THNSL1: variants seen among roughly 807,000 people sequenced by gnomAD.
THNSL1 encodes the protein threonine synthase-like 1.
In THNSL1, 48 loss-of-function variants were observed where a neutral mutation model predicts 50.4. That is an observed-to-expected ratio of 0.95 (90% confidence interval 0.76 to 1.21). THNSL1 has a LOEUF of 1.21. Among genes scored for constraint, THNSL1 ranks in the 50% most tolerant of loss-of-function variants. The pLI is 0.00. For synonymous variants in THNSL1, 309 were observed against 306.1 expected, an observed-to-expected ratio of 1.01 and a Z score of -0.10; for missense variants, 896 against 871.7, an observed-to-expected ratio of 1.03 and a Z score of -0.35.
At chr10:24,988,250 ATG>A in the THNSL1 span, among the ~76,000 whole-genome samples, 3 of 140,292 alleles carry the variant, frequency 2.1e-5, no homozygotes, top group Non-Finnish European at 4.5e-5. Context: ...ATATATATAT[ATG>A]TGTATATATA....
At chr10:24,998,021 C>G in the THNSL1 span, among the ~76,000 whole-genome samples, 1 of 152,102 alleles carries the variant, frequency 6.6e-6, no homozygotes, top group African/African-American at 2.4e-5. Flanking sequence ...CTTCTGAAGT[C>G]ACGAATTAAG....
chr10:25,015,305 T>C (rs1026231514), upstream of THNSL1, among the ~76,000 whole-genome samples: 1 of 152,218 alleles, frequency 6.6e-6, no homozygotes, highest in Non-Finnish European at 1.5e-5. Flanking sequence ...TTTAAACCAT[T>C]AGATCTGAAA....
the THNSL1 span, among the ~76,000 whole-genome samples, chr10:24,960,871 T>C: frequency 1.3e-5 from 2 of 152,162 alleles, no homozygotes. Flanking sequence ...ATTATAGACA[T>C]GAGCCACCAC....
At chr10:24,978,249 G>A in the THNSL1 span, among the ~76,000 whole-genome samples, 7 of 151,592 alleles carry the variant, frequency 4.6e-5, no homozygotes, top group East Asian at 1.9e-4. Context: ...CTTTGGCTTC[G>A]CTCCACAATT....
At chr10:25,003,186 ATTT>A in the THNSL1 span, among the ~76,000 whole-genome samples, 1 of 149,502 alleles carries the variant, frequency 6.7e-6, no homozygotes, top group African/African-American at 2.4e-5. Flanking sequence ...TAATTAATTT[ATTT>A]ATTTATTCAT....
rs1429550072 is a variant in THNSL1, at chr10:25,024,605, A to G, written c.1382A>G (p.Tyr461Cys). Residue 461 changes from tyrosine (Y) to cysteine (C), a missense_variant, in exon 3 of 3, where the codon TAT (tyrosine) becomes TGT (cysteine). Physicochemically the swap from Tyr to Cys is radical, Grantham distance 194. Transcript: ENST00000376356. ...SDFTGFLTVE[Y>C]GTILSSANSI... ...TTTACTGGCTTTCTTACTGTGGAATATGGAACAATCTTAAGTTCGGCTAAC... is the reference window on the plus strand; with the variant it reads ...TTTACTGGCTTTCTTACTGTGGAATGTGGAACAATCTTAAGTTCGGCTAAC... The G allele has an allele frequency of 2.5e-6, 4 of 1,614,120 alleles. No individual in the cohort carries two copies. The highest frequency in any genetic ancestry group is 3.4e-6 in the Non-Finnish European group (4 of 1,180,046).
At chr10:24,993,088 G>T in the THNSL1 span, among the ~76,000 whole-genome samples, 31 of 152,250 alleles carry the variant, frequency 2.0e-4, no homozygotes, top group African/African-American at 6.3e-4. Context: ...GAGCCCAAAA[G>T]TTCAAGACCA....
In THNSL1 at chr10:25,021,816, T is replaced by TTTTG. The variant is rs1850724812; in HGVS notation, c.-139_-138insTGTT. On this transcript the variant is annotated 5_prime_UTR_variant, in exon 2 of 3. It removes the in-frame stop codon of an upstream open reading frame in the 5' UTR. Transcript: ENST00000376356. ...CAGATTGGTTCCGGTGTGTCCTATG[T>TTTTG]TTACAAGTCAGTGGAAATTAAGCAC... 1 of 152,154 alleles carries TTTTG rather than the reference T, an allele frequency of 6.6e-6. No individual in the cohort carries two copies. The highest frequency in any genetic ancestry group is 1.5e-5 in the Non-Finnish European group (1 of 68,016). 9.4% of individuals were successfully genotyped at this position (152,154 alleles called of 1,614,324 possible).
chr10:24,993,571 A>G, the THNSL1 span, among the ~76,000 whole-genome samples: 1 of 152,246 alleles, frequency 6.6e-6, no homozygotes, highest in South Asian at 2.1e-4. Flanking sequence ...CTCATTTTAT[A>G]AAAATATGAC....
chr10:25,013,256 G>A (rs1202358051), upstream of THNSL1, among the ~76,000 whole-genome samples: 1 of 152,150 alleles, frequency 6.6e-6, no homozygotes, highest in Admixed American at 6.5e-5. Flanking sequence ...AATATACTAT[G>A]TTCTATGATA....
At chr10:24,965,726 T>C in the THNSL1 span, among the ~76,000 whole-genome samples, 1 of 152,236 alleles carries the variant, frequency 6.6e-6, no homozygotes, top group African/African-American at 2.4e-5. Context: ...TTCCTCTTGA[T>C]TTTTCTTCTG....
chr10:24,952,799 G>C, the THNSL1 span, among the ~76,000 whole-genome samples: 1 of 151,520 alleles, frequency 6.6e-6, no homozygotes, highest in Non-Finnish European at 1.5e-5. This position sits in a 1 kb window ranked among gnomAD's most constrained non-coding sequence, Gnocchi z 5.1. Context: ...GCGGGGGCGC[G>C]GGGAGCAGCT....
chr10:25,016,118 A>G, upstream of THNSL1: 1 of 1,276,342 alleles, frequency 7.8e-7, no homozygotes, highest in Non-Finnish European at 9.9e-7. Context: ...CGGGAAGAAA[A>G]CACCCTATTT....
the THNSL1 span, among the ~76,000 whole-genome samples, chr10:25,001,228 C>T: frequency 2.6e-5 from 4 of 152,046 alleles, no homozygotes; most frequent in South Asian, 6.2e-4. Context: ...AAACTTCTGG[C>T]TTCCATCGTT....
At chr10:24,974,340 A>G in the THNSL1 span, among the ~76,000 whole-genome samples, 1 of 152,196 alleles carries the variant, frequency 6.6e-6, no homozygotes, top group Non-Finnish European at 1.5e-5. Flanking sequence ...ATTAGCCCCA[A>G]TATGTGTATT....
rs1226563727 is a variant in THNSL1, at chr10:25,023,181, A to C, written c.-43A>C. The C allele has an allele frequency of 1.3e-5, 21 of 1,564,414 alleles. No homozygotes were observed. The highest frequency in any genetic ancestry group is 1.7e-5 in the Non-Finnish European group (20 of 1,158,368). ...TTGTTTTGTGTTTTGAAAAGGGCTA[A>C]AGCCAATTTTTAGGTTGGCTTGGGC... is the stretch of plus-strand genomic sequence containing the variant. On this transcript the variant is annotated 5_prime_UTR_variant, in exon 3 of 3. Coordinates refer to ENST00000376356, the MANE Select transcript of THNSL1 (RefSeq NM_024838.5).
the THNSL1 span, among the ~76,000 whole-genome samples, chr10:24,980,575 G>T: frequency 2.6e-5 from 4 of 152,090 alleles, no homozygotes; most frequent in African/African-American, 7.2e-5. Context: ...CCAGCAACTA[G>T]AACAGTTCTT....
At chr10:25,010,362 T>A in the THNSL1 span, among the ~76,000 whole-genome samples, 1 of 152,160 alleles carries the variant, frequency 6.6e-6, no homozygotes, top group Non-Finnish European at 1.5e-5. Context: ...CGGCAAAACA[T>A]TCAAGAGGTG....
At chr10:24,995,775 T>G in the THNSL1 span, 2 of 1,614,090 alleles carry the variant, frequency 1.2e-6, no homozygotes, top group Non-Finnish European at 1.7e-6. Flanking sequence ...CATTTGTATT[T>G]ATAAAATTTT....
Sources: allele counts gnomAD v4.1 joint callset (sites outside exome capture counted in the v4.1 genomes callset), GRCh38; gene constraint gnomAD v4.1.1; non-coding constraint Gnocchi (gnomAD v3.1); transcripts MANE v1.5; gene names NCBI Gene and HGNC (gene_info 2026-07-23, HGNC 2026-07-21).